The following DHRS7B variants were observed in gnomAD, a reference collection of about 807,000 sequenced individuals.
DHRS7B encodes dehydrogenase/reductase 7B, also known as peroxisomal reductase activating PPAR-gamma.
Under a neutral mutation model 26.4 loss-of-function variants are expected in DHRS7B, and 24 were observed. That is an observed-to-expected ratio of 0.91 (90% CI 0.66 to 1.28). DHRS7B has a LOEUF of 1.28. Among genes scored for constraint, DHRS7B ranks in the 50% most tolerant of loss-of-function variants. The pLI, the probability that DHRS7B is intolerant of heterozygous loss-of-function variation, is 0.00. For synonymous variants in DHRS7B, 142 were observed against 166.4 expected, an observed-to-expected ratio of 0.85 and a Z score of 1.13; for missense variants, 368 against 419.4, an observed-to-expected ratio of 0.88 and a Z score of 1.07.
intron 1 of DHRS7B, among the ~76,000 whole-genome samples, chr17:21,148,494 C>T: frequency 6.6e-6 from 1 of 152,090 alleles, no homozygotes; most frequent in Non-Finnish European, 1.5e-5. Context: ...TGCCTGTGTT[C>T]CCAGCACTTT....
Position 21,178,244 on chromosome 17 carries a change from G to C in DHRS7B, c.211G>C (p.Val71Leu). ...TTCTCTTCCCTTAGAATGTGCAAAA[G>C]TCTTCTATGCTGCGGGTGCTAAACT... ...TSGLGKECAK[V>L]FYAAGAKLVL... Residue 71 changes from valine to leucine, a missense_variant, in exon 3 of 7, where the codon GTC (valine) becomes CTC (leucine). Coordinates refer to ENST00000395511, the MANE Select transcript of DHRS7B (RefSeq NM_015510.5). 4 of 1,614,262 alleles carry C rather than the reference G, an allele frequency of 2.5e-6. No homozygotes were observed. The highest frequency in any genetic ancestry group is 3.4e-6 in the Non-Finnish European group (4 of 1,180,042).
At chr17:21,160,121 C>T (rs1294901863) in intron 1 of DHRS7B, among the ~76,000 whole-genome samples, 4 of 151,830 alleles carry the variant, frequency 2.6e-5, no homozygotes, top group Admixed American at 6.6e-5. Flanking sequence ...TTTGGGAGGC[C>T]GAGGTGGGTA....
intron 1 of DHRS7B, among the ~76,000 whole-genome samples, chr17:21,142,059 CAA>C (rs1258516746): frequency 1.3e-5 from 2 of 152,254 alleles, no homozygotes; most frequent in Non-Finnish European, 2.9e-5. Context: ...CCTCAGACAC[CAA>C]GATAGTGAAG....
chr17:21,164,836 A>G lies in DHRS7B; in HGVS notation c.21-7182A>G, dbSNP rs893883259. ...GCACTTGAGAAGTGTAGTTGAGTGG[A>G]TGAGTGCACGACATCCAGGATCTGA... On this transcript the variant is annotated intron_variant, in intron 1 of 6. Transcript: ENST00000395511. Among the ~76,000 whole-genome samples the G allele has an allele frequency of 2.6e-5, 4 of 152,288 alleles. No homozygotes were observed. In the East Asian group the frequency reaches 5.8e-4, roughly 22 times the overall value.
intron 1 of DHRS7B, among the ~76,000 whole-genome samples, chr17:21,137,489 C>CT (rs1973373158): frequency 1.3e-5 from 2 of 149,776 alleles, no homozygotes; most frequent in South Asian, 4.2e-4. Context: ...TGAAGTTTTG[C>CT]TCTTGTTGCC....
chr17:21,158,286 T>C (rs762991163), intron 1 of DHRS7B, among the ~76,000 whole-genome samples: 1 of 152,200 alleles, frequency 6.6e-6, no homozygotes, highest in East Asian at 1.9e-4. Flanking sequence ...AAGTCCTATA[T>C]AGTGCAGTAA....
intron 1 of DHRS7B, among the ~76,000 whole-genome samples, chr17:21,140,373 T>G (rs1440022707): frequency 6.6e-6 from 1 of 152,010 alleles, no homozygotes; most frequent in Non-Finnish European, 1.5e-5. Flanking sequence ...GCCTTAAATT[T>G]GCATGTTAAA....
intron 2 of DHRS7B, among the ~76,000 whole-genome samples, chr17:21,176,367 A>G (rs1452821911): frequency 1.3e-5 from 2 of 151,926 alleles, no homozygotes; most frequent in Admixed American, 6.5e-5. Context: ...TTGGGAAGTC[A>G]TGGCAGGAAG....
intron 1 of DHRS7B, among the ~76,000 whole-genome samples, chr17:21,147,404 ATAGAAGCAAGCTGAC>A (rs1973664857): frequency 6.6e-6 from 1 of 152,220 alleles, no homozygotes; most frequent in South Asian, 2.1e-4. Context: ...AAGTAGCAAC[ATAGAAGCAAGCTGAC>A]TTCACTCACC....
intron 1 of DHRS7B, among the ~76,000 whole-genome samples, chr17:21,141,047 C>G (rs1168253345): frequency 6.6e-6 from 1 of 152,120 alleles, no homozygotes; most frequent in Non-Finnish European, 1.5e-5. Context: ...CTCCAGAGGT[C>G]TGTGACCTCA....
chr17:21,155,454 A>C (rs777621078), intron 1 of DHRS7B, among the ~76,000 whole-genome samples: 8 of 152,232 alleles, frequency 5.3e-5, no homozygotes, highest in Non-Finnish European at 8.8e-5. Flanking sequence ...TAATGTATAT[A>C]CACATAATAG....
At chr17:21,177,027 T>C (rs1974394591) in intron 2 of DHRS7B, among the ~76,000 whole-genome samples, 1 of 151,974 alleles carries the variant, frequency 6.6e-6, no homozygotes. Context: ...CCTCATAGAG[T>C]AGTCCTCCAC....
intron 1 of DHRS7B, among the ~76,000 whole-genome samples, chr17:21,170,955 A>C (rs1450479135): frequency 3.3e-5 from 5 of 152,146 alleles, no homozygotes; most frequent in Non-Finnish European, 7.3e-5. Flanking sequence ...TTAGAGCTAC[A>C]GTCTGGTTTG....
chr17:21,186,422 C>T (rs1442565357), intron 5 of DHRS7B, among the ~76,000 whole-genome samples: 1 of 152,210 alleles, frequency 6.6e-6, no homozygotes, highest in East Asian at 1.9e-4. Context: ...TCCCTGTCCC[C>T]AAGCCTGGGC....
rs1048538917 is a variant in DHRS7B, at chr17:21,188,798, G to GC, written c.711dup (p.Gly238ArgfsTer18). 9.9e-6 allele frequency: 16 copies of GC among 1,614,046 alleles called. No homozygotes were observed. The highest frequency in any genetic ancestry group is 1.2e-5 in the Non-Finnish European group (14 of 1,180,032). On this transcript the variant is annotated frameshift_variant, in exon 6 of 7. Transcript: ENST00000395511. LOFTEE classifies it high-confidence loss of function. ...TATGAAATTGAGGTGACCGTCATCA[G>GC]CCCCGGCTACATCCACACCAACCTC...
Position 21,178,317 on chromosome 17 carries a change from A to G in DHRS7B, c.284A>G (p.Glu95Gly). 1 of 1,614,080 alleles carries G rather than the reference A, an allele frequency of 6.2e-7. No homozygotes were observed. Among genetic ancestry groups the G allele is most frequent in the Middle Eastern group, 1.7e-4 (1 of 5,966 alleles). ...NGGALEELIR[E>G]LTASHATKVQ... ...GGGGCCCTAGAAGAGCTCATCAGAGAACTCACCGCTTCTCATGCCACCAAG... is the reference window on the plus strand; with the variant it reads ...GGGGCCCTAGAAGAGCTCATCAGAGGACTCACCGCTTCTCATGCCACCAAG... Residue 95 changes from glutamate (E) to glycine (G), a missense_variant, in exon 3 of 7, where the codon GAA (glutamate) becomes GGA (glycine). Transcript: ENST00000395511.
At chr17:21,163,314 T>C (rs906176296) in intron 1 of DHRS7B, among the ~76,000 whole-genome samples, 1 of 152,064 alleles carries the variant, frequency 6.6e-6, no homozygotes, top group Non-Finnish European at 1.5e-5. Context: ...ACTTCTGGAG[T>C]TTTTTTCAGT....
intron 1 of DHRS7B, among the ~76,000 whole-genome samples, chr17:21,133,502 G>C (rs183033589): frequency 1.1e-4 from 17 of 152,366 alleles, no homozygotes; most frequent in African/African-American, 3.6e-4. Context: ...TTCCAAAGGA[G>C]GCAATCGGAA....
intron 1 of DHRS7B, among the ~76,000 whole-genome samples, chr17:21,167,933 T>C (rs1974150043): frequency 1.3e-5 from 2 of 152,234 alleles, no homozygotes; most frequent in Admixed American, 1.3e-4. Context: ...TTGACCTTGC[T>C]TTATGTAGAT....
Sources: gnomAD v4.1 joint callset for allele counts (sites outside exome capture counted in the v4.1 genomes callset) on GRCh38, gnomAD v4.1.1 for gene constraint, MANE v1.5 for transcripts, NCBI Gene and HGNC (gene_info 2026-07-23, HGNC 2026-07-21) for gene names.